Variants in ARNT observed in about 807,000 individuals in gnomAD.
ARNT encodes the protein aryl hydrocarbon receptor nuclear translocator.
Under a neutral mutation model 105.0 loss-of-function variants are expected in ARNT, and 30 were observed. The ratio of observed to expected loss-of-function variants is 0.29; its 90% CI spans 0.21 to 0.39. The LOEUF (loss-of-function observed/expected upper bound fraction) is 0.39, where lower values mean the gene tolerates loss of function less well. Among genes scored for constraint, ARNT ranks in the 10% least tolerant of loss-of-function variants. The pLI is 1.00. For synonymous variants in ARNT, 304 were observed against 344.0 expected, an observed-to-expected ratio of 0.88 and a Z score of 1.29; for missense variants, 748 against 978.7, an observed-to-expected ratio of 0.76 and a Z score of 3.15.
chr1:150,846,365 C>T, intron 3 of ARNT, 58 bp from the exon 4 acceptor site: 1 of 1,549,610 alleles, frequency 6.5e-7, no homozygotes, highest in Non-Finnish European at 8.8e-7. Context: ...CTATTTCACT[C>T]TGAAAAGTAA....
At chr1:150,864,506 G>A (rs906980733) in intron 1 of ARNT, among the ~76,000 whole-genome samples, 2 of 150,148 alleles carry the variant, frequency 1.3e-5, no homozygotes, top group East Asian at 2.0e-4. Flanking sequence ...GTAAACTATC[G>A]CAAGATCAAA....
chr1:150,821,789 T>C (rs915803009), intron 14 of ARNT, among the ~76,000 whole-genome samples: 5 of 151,606 alleles, frequency 3.3e-5, no homozygotes, highest in Non-Finnish European at 5.9e-5. Flanking sequence ...GCTGGGACTA[T>C]AGGCGTGTGC....
chr1:150,842,466 G>T lies in ARNT; in HGVS notation c.230C>A (p.Ser77Ter), dbSNP rs779105288. The change falls in exon 5 of 22, where the codon TCG becomes TAG. Residue 77 changes from serine (S) to a stop codon, truncating the protein, a stop_gained and splice_region_variant. Transcript: ENST00000358595. LOFTEE classifies it high-confidence loss of function. The part of the protein sequence containing the change: ...MSNDKERFAR[S>*]DDEQSSADKE... ...ATCCGCAGAGCTCTGCTCATCATCCGACCTAAAAATAGAATTAATGAACTA... is the reference window on the plus strand; with the variant it reads ...ATCCGCAGAGCTCTGCTCATCATCCTACCTAAAAATAGAATTAATGAACTA... 1.9e-6 allele frequency: 3 copies of T among 1,591,272 alleles called. No individual in the cohort carries two copies. In the South Asian group the frequency reaches 3.3e-5, roughly 18 times the overall value.
rs587710976 is a variant in ARNT, at chr1:150,845,247, T to C, written c.227+1016A>G. Among the ~76,000 whole-genome samples the C allele has an allele frequency of 6.2e-3, 943 of 152,296 alleles. 5 individuals carry two copies. Among genetic ancestry groups the C allele is most frequent in the Non-Finnish European group, 9.9e-3 (674 of 68,030 alleles). ...CTGCAGTGAGCTATGATCATGCCAC[T>C]GTACTCCAGCCTGGGAAACACAATG... On this transcript the variant is annotated intron_variant, in intron 4 of 21. Transcript: ENST00000358595.
At chr1:150,865,289 C>T (rs866934380) in intron 1 of ARNT, among the ~76,000 whole-genome samples, 3 of 152,196 alleles carry the variant, frequency 2.0e-5, no homozygotes, top group Middle Eastern at 3.4e-3. Flanking sequence ...TTACACAAGA[C>T]ATAAAACCAC....
At chr1:150,840,945 CTTTT>C (rs777444553) in intron 5 of ARNT, among the ~76,000 whole-genome samples, 1 of 103,720 alleles carries the variant, frequency 9.6e-6, no homozygotes, top group Non-Finnish European at 1.9e-5. Flanking sequence ...CTCTCTTCTT[CTTTT>C]TTTTTTTTTT....
intron 13 of ARNT, among the ~76,000 whole-genome samples, chr1:150,826,080 AT>A (rs1391341927): frequency 6.6e-6 from 1 of 151,810 alleles, no homozygotes; most frequent in Admixed American, 6.6e-5. Context: ...TACCAGGCTA[AT>A]TTTTTGTATT....
chr1:150,831,884 T>A lies in ARNT; in HGVS notation c.889A>T (p.Lys297Ter). The stretch of plus-strand genomic sequence containing the variant: ...ACCACGAAGTGAGGTTCCCCATCCT[T>A]TACAGAGCCAAGTCCATTCCTAGAA... Reference protein sequence around the residue: ...NRCRNGLGSVKDGEPHFVVVH... With the variant: ...NRCRNGLGSV Residue 297 changes from lysine (K) to a stop codon, truncating the protein, a stop_gained, in exon 10 of 22, where the codon AAG (lysine) becomes TAG (stop). Transcript: ENST00000358595. LOFTEE classifies it high-confidence loss of function. 6.3e-7 allele frequency: 1 copy of A among 1,592,150 alleles called. No individual in the cohort carries two copies. The highest frequency in any genetic ancestry group is 8.5e-7 in the Non-Finnish European group (1 of 1,174,066).
intron 10 of ARNT, among the ~76,000 whole-genome samples, chr1:150,830,781 C>T (rs1170548702): frequency 6.6e-6 from 1 of 152,140 alleles, no homozygotes; most frequent in Non-Finnish European, 1.5e-5. Context: ...TGCATTTCTC[C>T]CCTGTTTTTT....
intron 21 of ARNT, chr1:150,812,830 G>A (rs1274843517): frequency 5.4e-6 from 1 of 184,996 alleles, no homozygotes; most frequent in Non-Finnish European, 1.1e-5. Context: ...GTCTGTTCTG[G>A]TTAAATGGTA....
chr1:150,827,235 T>C (rs1404038246), intron 12 of ARNT, among the ~76,000 whole-genome samples: 1 of 152,216 alleles, frequency 6.6e-6, no homozygotes, highest in Non-Finnish European at 1.5e-5. Context: ...TTTGATGATG[T>C]CTACTAAATT....
chr1:150,820,354 G>T (rs1215211469), intron 14 of ARNT, among the ~76,000 whole-genome samples: 1 of 152,180 alleles, frequency 6.6e-6, no homozygotes, highest in Admixed American at 6.5e-5. Flanking sequence ...CCTAGTCTCT[G>T]AATTATTGTT....
chr1:150,847,590 T>A (rs1662482821), intron 3 of ARNT, among the ~76,000 whole-genome samples: 1 of 152,148 alleles, frequency 6.6e-6, no homozygotes, highest in Admixed American at 6.5e-5. Context: ...GACTACTGGA[T>A]TTTATGGAAG....
chr1:150,827,571 A>T (rs1345322315), intron 12 of ARNT, among the ~76,000 whole-genome samples: 2 of 152,240 alleles, frequency 1.3e-5, no homozygotes. Context: ...ATTCATTTAC[A>T]AAATGTTAAT....
intron 1 of ARNT, chr1:150,861,316 C>G: frequency 2.5e-6 from 1 of 404,144 alleles, no homozygotes; most frequent in Non-Finnish European, 4.8e-6. Context: ...GGAAACACAG[C>G]AAGACAACAT....
chr1:150,822,454 A>G (rs762987410), intron 14 of ARNT, among the ~76,000 whole-genome samples: 17 of 152,094 alleles, frequency 1.1e-4, no homozygotes, highest in Non-Finnish European at 1.9e-4. Context: ...TGATTTAATC[A>G]CTCATGGCTA....
intron 1 of ARNT, among the ~76,000 whole-genome samples, chr1:150,874,333 C>T (rs1223112874): frequency 6.6e-6 from 1 of 152,168 alleles, no homozygotes; most frequent in Non-Finnish European, 1.5e-5. Flanking sequence ...AATATATCTT[C>T]TGATTTGATT....
At chr1:150,853,555 T>C (rs1198904311) in intron 2 of ARNT, among the ~76,000 whole-genome samples, 1 of 152,240 alleles carries the variant, frequency 6.6e-6, no homozygotes, top group African/African-American at 2.4e-5. Context: ...ACTTAATACC[T>C]ACGAAGATTG....
intron 8 of ARNT, among the ~76,000 whole-genome samples, chr1:150,833,222 C>T (rs1659658105): frequency 6.6e-6 from 1 of 152,138 alleles, no homozygotes; most frequent in Admixed American, 6.5e-5. Context: ...CTAAATTACA[C>T]GCTGGGTGCA....
Sources: allele counts gnomAD v4.1 joint callset (sites outside exome capture counted in the v4.1 genomes callset), GRCh38; gene constraint gnomAD v4.1.1; transcripts MANE v1.5; gene names NCBI Gene and HGNC (gene_info 2026-07-23, HGNC 2026-07-21).